The following ADAM12 variants were observed in gnomAD, a reference collection of about 807,000 sequenced individuals.
ADAM12 encodes the protein disintegrin and metalloproteinase domain-containing protein 12.
A neutral mutation model predicts 106.4 loss-of-function variants in ADAM12; 70 were observed. The observed-to-expected ratio is 0.66, with a 90% CI of 0.54 to 0.80. The LOEUF (loss-of-function observed/expected upper bound fraction) is 0.80. Among genes scored for constraint, ADAM12 ranks in the 30% least tolerant of loss-of-function variants. ADAM12 has a pLI of 0.00. For missense variants in ADAM12, 1,010 were observed against 1,171.9 expected (o/e 0.86, Z 2.02); for synonymous variants, 420 against 433.5 (o/e 0.97, Z 0.39).
Position 126,016,235 on chromosome 10 carries a change from T to G in ADAM12, c.*1044A>C, listed in dbSNP as rs1460524667. 1 of 152,168 alleles carries G rather than the reference T, an allele frequency of 6.6e-6. No homozygotes were observed. Among genetic ancestry groups the G allele is most frequent in the Non-Finnish European group, 1.5e-5 (1 of 68,036 alleles). 9.4% of individuals were successfully genotyped at this position (152,168 alleles called of 1,614,324 possible). Reference sequence around the variant, plus strand: ...TGCAAGCATAAAGAGTCTGCCTAATTGTTAATAAGTTGAACCTTGCAGTAA... The same window carrying G: ...TGCAAGCATAAAGAGTCTGCCTAATGGTTAATAAGTTGAACCTTGCAGTAA... On this transcript the variant is annotated 3_prime_UTR_variant, in exon 23 of 23. Transcript: ENST00000448723.
At position 126,185,196 on chromosome 10, in the gene ADAM12, C is replaced by T. The variant is rs112888447; in HGVS notation, c.261-29891G>A. 2.0e-5 allele frequency among the ~76,000 whole-genome samples: 3 copies of T among 152,358 alleles called. No homozygotes were observed. The South Asian group carries it at 6.2e-4, about 32-fold the overall frequency. ...GTTGCTTCATCTAAGTCACAGAATTCTTTCCTTTTGAGGTCCATGAAGAAA... is the reference window on the plus strand; with the variant it reads ...GTTGCTTCATCTAAGTCACAGAATTTTTTCCTTTTGAGGTCCATGAAGAAA... On this transcript the variant is annotated intron_variant, in intron 3 of 22. Coordinates refer to ENST00000448723, the MANE Select transcript of ADAM12 (RefSeq NM_001288973.2).
Position 126,330,421 on chromosome 10 carries a change from G to A in ADAM12, c.177C>T (p.Phe59=), listed in dbSNP as rs201644191. ...SGDLWIPVKS[F]DSKNHPEVLN... is the part of the protein sequence containing the mutation. ...AAGGAGAGGAACTCACCTTGGAGTC[G>A]AAGCTCTTCACTGGGATCCAGAGGT... The change falls in exon 2 of 23, where the codon TTC becomes TTT. Residue 59 remains phenylalanine, a synonymous_variant. Coordinates refer to ENST00000448723, the MANE Select transcript of ADAM12 (RefSeq NM_001288973.2). 31 of 1,612,664 alleles carry A rather than the reference G, an allele frequency of 1.9e-5. No individual in the cohort carries two copies. The highest frequency in any genetic ancestry group is 8.9e-5 in the East Asian group (4 of 44,840).
At chr10:126,194,997 T>C (rs1957570316) in intron 3 of ADAM12, among the ~76,000 whole-genome samples, 2 of 152,134 alleles carry the variant, frequency 1.3e-5, no homozygotes, top group Non-Finnish European at 2.9e-5. Flanking sequence ...GATTGTAGTA[T>C]TAAAAAATCT....
At chr10:126,321,176 A>C (rs1854082140) in intron 2 of ADAM12, among the ~76,000 whole-genome samples, 1 of 152,234 alleles carries the variant, frequency 6.6e-6, no homozygotes, top group Non-Finnish European at 1.5e-5. Flanking sequence ...TAAGCCCTAC[A>C]TGTCAGTCAA....
At chr10:126,233,273 G>C (rs1349462702) in intron 3 of ADAM12, among the ~76,000 whole-genome samples, 1 of 152,170 alleles carries the variant, frequency 6.6e-6, no homozygotes, top group Non-Finnish European at 1.5e-5. Flanking sequence ...GACCCCTGAG[G>C]AGTGACAGAG....
chr10:126,143,792 C>T (rs1463120393), intron 4 of ADAM12, among the ~76,000 whole-genome samples: 1 of 151,946 alleles, frequency 6.6e-6, no homozygotes, highest in African/African-American at 2.4e-5. Flanking sequence ...TATGTACATG[C>T]ATGTCTGTTG....
chr10:126,290,647 C>G (rs369760842), intron 2 of ADAM12, among the ~76,000 whole-genome samples: 1 of 152,208 alleles, frequency 6.6e-6, no homozygotes, highest in Admixed American at 6.5e-5. Flanking sequence ...AAATTGCACC[C>G]TTTTCATGCT....
chr10:126,014,313 GTTTTTTTTTTTTT>G lies in ADAM12; in HGVS notation c.*2953_*2965del, dbSNP rs34913675. Reference sequence around the variant, plus strand: ...GAACATTTTGACACAGTTTTAGCCGGTTTTTTTTTTTTTTTTTTTTTTTTGAGGATGCATTGAT... The same window carrying G: ...GAACATTTTGACACAGTTTTAGCCGGTTTTTTTTTTTGAGGATGCATTGAT... On this transcript the variant is annotated 3_prime_UTR_variant, in exon 23 of 23. Coordinates refer to ENST00000448723, the MANE Select transcript of ADAM12 (RefSeq NM_001288973.2). 4.3e-5 allele frequency: 2 copies of G among 46,302 alleles called. No individual in the cohort carries two copies. Among genetic ancestry groups the G allele is most frequent in the Non-Finnish European group, 4.2e-5 (1 of 24,032 alleles). The allele number at this position is 46,302 out of a possible 1,614,324, so 2.9% of individuals were successfully genotyped here.
chr10:126,311,262 T>C (rs1465187521), intron 2 of ADAM12, among the ~76,000 whole-genome samples: 1 of 152,198 alleles, frequency 6.6e-6, no homozygotes, highest in Non-Finnish European at 1.5e-5. Context: ...GTTTGCTGAA[T>C]AAATACAGAA....
At chr10:126,174,224 A>AAC (rs1957176502) in intron 3 of ADAM12, among the ~76,000 whole-genome samples, 1 of 151,694 alleles carries the variant, frequency 6.6e-6, no homozygotes, top group Admixed American at 6.6e-5. Context: ...AATCTTTACA[A>AAC]ACACACAGAG....
intron 3 of ADAM12, 51 bp downstream of exon 3, chr10:126,278,864 C>G: frequency 7.2e-7 from 1 of 1,389,758 alleles, no homozygotes. Flanking sequence ...ACTTTTCTGT[C>G]CATGGTGTCT....
chr10:126,049,563 C>A lies in ADAM12; in HGVS notation c.1716G>T (p.Met572Ile). ...GCCAGGATGTCTGGATTCCATACCTCATCTCGCATTTGGCAAAGGAACTCT... is the reference window on the plus strand; with the variant it reads ...GCCAGGATGTCTGGATTCCATACCTAATCTCGCATTTGGCAAAGGAACTCT... ...VSKSSFAKCE[M>I]RDAKCGKIQC... is the part of the protein sequence containing the mutation. Residue 572 changes from methionine (M) to isoleucine (I), a missense_variant and splice_region_variant, in exon 15 of 23, where the codon ATG becomes ATT. This residue lies in a region of ADAM12 where 615 missense variants were observed against 708.5 expected (regional missense o/e 0.87). Transcript: ENST00000448723. This position sits in a 1 kb window ranked among gnomAD's most constrained non-coding sequence, Gnocchi z 4.4. 1 of 1,614,188 alleles carries A rather than the reference C, an allele frequency of 6.2e-7. No homozygotes were observed. Among genetic ancestry groups the A allele is most frequent in the Non-Finnish European group, 8.5e-7 (1 of 1,179,994 alleles).
intron 11 of ADAM12, among the ~76,000 whole-genome samples, chr10:126,072,602 G>A (rs1955019388): frequency 6.6e-6 from 1 of 152,160 alleles, no homozygotes; most frequent in Admixed American, 6.5e-5. Flanking sequence ...GAGCCTCAGA[G>A]CATCATACAG....
chr10:126,239,188 A>G (rs1446726237), intron 3 of ADAM12, among the ~76,000 whole-genome samples: 1 of 152,234 alleles, frequency 6.6e-6, no homozygotes, highest in Non-Finnish European at 1.5e-5. Context: ...TTCAAGTAAC[A>G]CCACATGTAC....
chr10:126,309,237 A>G (rs2133812817), intron 2 of ADAM12, among the ~76,000 whole-genome samples: 1 of 152,324 alleles, frequency 6.6e-6, no homozygotes, highest in South Asian at 2.1e-4. Context: ...GTTGAGGAAG[A>G]CAATGTTTGC....
intron 9 of ADAM12, among the ~76,000 whole-genome samples, chr10:126,099,710 G>A (rs560660002): frequency 4.4e-4 from 67 of 152,256 alleles, no homozygotes; most frequent in African/African-American, 1.5e-3. Flanking sequence ...GAAAATGGCC[G>A]AAGTAAATTA....
chr10:126,310,135 G>A (rs1464114679), intron 2 of ADAM12, among the ~76,000 whole-genome samples: 1 of 151,140 alleles, frequency 6.6e-6, no homozygotes, highest in East Asian at 1.9e-4. Context: ...CTCCAGCCTG[G>A]GTGACAGAGT....
chr10:126,265,999 A>G (rs1408524878), intron 3 of ADAM12, among the ~76,000 whole-genome samples: 1 of 152,188 alleles, frequency 6.6e-6, no homozygotes, highest in Non-Finnish European at 1.5e-5. Context: ...TTTTTTAGCA[A>G]TACATATGTC....
intron 3 of ADAM12, among the ~76,000 whole-genome samples, chr10:126,163,028 C>T (rs901730798): frequency 1.3e-5 from 2 of 152,160 alleles, no homozygotes; most frequent in Non-Finnish European, 2.9e-5. Flanking sequence ...ACCCCTTCCT[C>T]TCACTTTCTC....
Sources: allele counts gnomAD v4.1 joint callset (sites outside exome capture counted in the v4.1 genomes callset), GRCh38; gene constraint gnomAD v4.1.1; regional missense constraint gnomAD v4.1.1; non-coding constraint Gnocchi (gnomAD v3.1); transcripts MANE v1.5; gene names NCBI Gene and HGNC (gene_info 2026-07-23, HGNC 2026-07-21).